Variants in STYXL2 observed in about 807,000 individuals in gnomAD.
STYXL2 encodes serine/threonine/tyrosine interacting like 2.
A neutral mutation model predicts 52.4 loss-of-function variants in STYXL2; 44 were observed. The ratio of observed to expected loss-of-function variants is 0.84; its 90% confidence interval spans 0.66 to 1.08. The LOEUF (loss-of-function observed/expected upper bound fraction) is 1.08. STYXL2 is among the 50% of genes least tolerant of loss of function. STYXL2 has a pLI of 0.00. For missense variants in STYXL2, 1,604 were observed against 1,471.7 expected, an observed-to-expected ratio of 1.09 and a Z score of -1.47; for synonymous variants, 604 against 586.9, an observed-to-expected ratio of 1.03 and a Z score of -0.42.
rs767627024 is a variant in STYXL2 at position 167,127,218 on chromosome 1, C to T, written c.2087C>T (p.Ala696Val). Residue 696 changes from alanine (A) to valine (V), a missense_variant, in exon 6 of 6, where the codon GCG becomes GTG. Physicochemically the swap from Ala to Val is moderately conservative, Grantham distance 64. Coordinates refer to ENST00000361200, the MANE Select transcript of STYXL2 (RefSeq NM_001080426.3). ...CTGTCTCAGGCTGCAAGCAACATAGCGGGGTGTTCAACCTCCAACCCCACC... is the reference window on the plus strand; with the variant it reads ...CTGTCTCAGGCTGCAAGCAACATAGTGGGGTGTTCAACCTCCAACCCCACC... ...SHLSQAASNI[A>V]GCSTSNPTTP... is the part of the protein sequence containing the mutation. The T allele has an allele frequency of 1.3e-5, 21 of 1,613,984 alleles. No homozygotes were observed. Among genetic ancestry groups the T allele is most frequent in the East Asian group, 8.9e-5 (4 of 44,894 alleles).
chr1:167,101,157 C>T (rs955505038), intron 2 of STYXL2, among the ~76,000 whole-genome samples: 5 of 152,130 alleles, frequency 3.3e-5, no homozygotes, highest in Admixed American at 6.5e-5. Context: ...AATTAAAAAG[C>T]GGACAAATGA....
At chr1:167,112,408 T>G (rs1667638201) in intron 2 of STYXL2, among the ~76,000 whole-genome samples, 1 of 152,220 alleles carries the variant, frequency 6.6e-6, no homozygotes, top group Admixed American at 6.5e-5. Context: ...TCAATTCAAC[T>G]TAATTCAATC....
intron 2 of STYXL2, among the ~76,000 whole-genome samples, chr1:167,101,941 T>C (rs1239595735): frequency 6.6e-6 from 1 of 152,192 alleles, no homozygotes; most frequent in Non-Finnish European, 1.5e-5. Flanking sequence ...TGTGTCACAT[T>C]TACACATAGG....
chr1:167,108,048 C>T (rs1264437717), intron 2 of STYXL2, among the ~76,000 whole-genome samples: 1 of 152,090 alleles, frequency 6.6e-6, no homozygotes, highest in Non-Finnish European at 1.5e-5. Flanking sequence ...CAAAGAGAAC[C>T]CAGTGCAAGT....
chr1:167,127,351 T>G lies in STYXL2; in HGVS notation c.2220T>G (p.Asn740Lys). The stretch of plus-strand genomic sequence containing the variant: ...GTGAGACCCTTGCTCAGAAGCAAAA[T>G]GAAATGCTGCTGTTGTCCCGCTCAC... ...VVSETLAQKQ[N>K]EMLLLSRSPS... Residue 740 changes from asparagine to lysine, a missense_variant, in exon 6 of 6, where the codon AAT (asparagine) becomes AAG (lysine). Transcript: ENST00000361200. 1.2e-6 allele frequency: 2 copies of G among 1,614,074 alleles called. No individual in the cohort carries two copies. The highest frequency in any genetic ancestry group is 8.5e-7 in the Non-Finnish European group (1 of 1,180,018).
intron 2 of STYXL2, among the ~76,000 whole-genome samples, chr1:167,101,047 T>A (rs1230038048): frequency 1.3e-5 from 2 of 152,232 alleles, no homozygotes; most frequent in Non-Finnish European, 2.9e-5. Context: ...CCTATAGACT[T>A]GGAGAAAATA....
chr1:167,120,613 T>A (rs1457507354), intron 5 of STYXL2, among the ~76,000 whole-genome samples: 5 of 151,260 alleles, frequency 3.3e-5, no homozygotes, highest in Non-Finnish European at 5.9e-5. Flanking sequence ...GCACACATAT[T>A]TTCTTTTTTT....
rs564681099 is a variant in STYXL2, at chr1:167,106,759, G to A, written c.111-6951G>A. On this transcript the variant is annotated intron_variant, in intron 2 of 5. Transcript: ENST00000361200. ...CAGGTCTGTTATAGAGGCAAGGTTT[G>A]CTCTACCATATTGGCATTATTTTGT... Among the ~76,000 whole-genome samples, 3 of 152,252 alleles carry A rather than the reference G, an allele frequency of 2.0e-5. No homozygotes were observed. In the South Asian group the frequency reaches 6.2e-4, roughly 32 times the overall value.
chr1:167,128,832 A>C lies in STYXL2; in HGVS notation c.*224A>C. ...GAATACGAGGTCCGAATGCGGACCA[A>C]CTGATACCATTTTCTGTTGCTCAGC... is the stretch of plus-strand genomic sequence containing the variant. On this transcript the variant is annotated 3_prime_UTR_variant, in exon 6 of 6. Coordinates refer to ENST00000361200, the MANE Select transcript of STYXL2 (RefSeq NM_001080426.3). The C allele has an allele frequency of 1.6e-6, 1 of 616,404 alleles. No homozygotes were observed. The highest frequency in any genetic ancestry group is 2.7e-6 in the Non-Finnish European group (1 of 375,490). 38.2% of individuals were successfully genotyped at this position (616,404 alleles called of 1,614,324 possible).
rs1423193609 is a variant in STYXL2 at position 167,128,196 on chromosome 1, C to G, written c.3065C>G (p.Ser1022Cys). Residue 1022 changes from serine (S) to cysteine (C), a missense_variant, in exon 6 of 6, where the codon TCC becomes TGC. Coordinates refer to ENST00000361200, the MANE Select transcript of STYXL2 (RefSeq NM_001080426.3). ...GAGGGCAGAGAGATGCACAAGTTCT[C>G]CAGGTCCACGTACAACGAGACCTCA... ...TREGREMHKF[S>C]RSTYNETSSS... 1 of 1,614,210 alleles carries G rather than the reference C, an allele frequency of 6.2e-7. No individual in the cohort carries two copies. Among genetic ancestry groups the G allele is most frequent in the East Asian group, 2.2e-5 (1 of 44,874 alleles).
chr1:167,120,688 C>T (rs1165358997), intron 5 of STYXL2, among the ~76,000 whole-genome samples: 2 of 151,696 alleles, frequency 1.3e-5, no homozygotes, highest in African/African-American at 2.4e-5. Context: ...TGCTGGAGTG[C>T]TCACTATAGC....
intron 2 of STYXL2, among the ~76,000 whole-genome samples, chr1:167,106,556 G>A (rs540969013): frequency 3.9e-5 from 6 of 152,126 alleles, no homozygotes. Flanking sequence ...GTTAATAGGA[G>A]TATAAATAGT....
Position 167,127,439 on chromosome 1 carries a change from A to T in STYXL2, c.2308A>T (p.Met770Leu), listed in dbSNP as rs755525549. 2.5e-6 allele frequency: 4 copies of T among 1,614,112 alleles called. No homozygotes were observed. The highest frequency in any genetic ancestry group is 3.4e-6 in the Non-Finnish European group (4 of 1,180,006). Residue 770 changes from methionine (M) to leucine (L), a missense_variant, in exon 6 of 6, where the codon ATG (methionine) becomes TTG (leucine). By Grantham distance (15) the Met-to-Leu change is conservative. Coordinates refer to ENST00000361200, the MANE Select transcript of STYXL2 (RefSeq NM_001080426.3). The part of the protein sequence containing the change: ...ASCLGDDQVS[M>L]LSGHSSSSLG... ...CTGCCTGGGGGATGACCAAGTCTCC[A>T]TGCTTAGTGGACACAGCAGCTCCTC...
At position 167,117,362 on chromosome 1, in the gene STYXL2, G is replaced by GT; in HGVS notation, c.241dup (p.Cys81LeufsTer9). 2 of 1,611,922 alleles carry GT rather than the reference G, an allele frequency of 1.2e-6. No homozygotes were observed. Among genetic ancestry groups the GT allele is most frequent in the Non-Finnish European group, 1.7e-6 (2 of 1,179,064 alleles). ...CACCGGGGGTCAGAGCAGACGCAGAGTGTCCAGGCATGCTGGAGTCTGCTG... is the reference window on the plus strand; with the variant it reads ...CACCGGGGGTCAGAGCAGACGCAGAGTTGTCCAGGCATGCTGGAGTCTGCTG... On this transcript the variant is annotated frameshift_variant, in exon 4 of 6. Transcript: ENST00000361200. LOFTEE classifies it high-confidence loss of function.
In STYXL2 at chr1:167,116,094, C is replaced by T. The variant is rs149630987; in HGVS notation, c.206-1234C>T. On this transcript the variant is annotated intron_variant, in intron 3 of 5. Transcript: ENST00000361200. ...TGCCATCAAGAGGCTATGGGGAACA[C>T]AGAGGAAACATCTTTCCAGCTTCTT... is the stretch of plus-strand genomic sequence containing the variant. 2.4e-4 allele frequency among the ~76,000 whole-genome samples: 37 copies of T among 152,306 alleles called. No individual in the cohort carries two copies. In the East Asian group the frequency reaches 7.1e-3, roughly 29 times the overall value.
rs755310428 is a variant in STYXL2 at position 167,126,295 on chromosome 1, C to T, written c.1164C>T (p.Asp388=). The T allele has an allele frequency of 5.9e-6, 9 of 1,528,128 alleles. No individual in the cohort carries two copies. The highest frequency in any genetic ancestry group is 2.5e-5 in the South Asian group (2 of 78,622). 94.7% of individuals were successfully genotyped at this position (1,528,128 alleles called of 1,614,324 possible). A position where few individuals can be genotyped will look rare whatever the true frequency, so the allele number is the denominator to read the frequency against. ...GQGGEELEDE[D]VERIIQEWQS... is the part of the protein sequence containing the mutation. ...GTGGGGAGGAGCTCGAGGACGAGGA[C>T]GTGGAGAGGATCATCCAGGAGTGGC... is the stretch of plus-strand genomic sequence containing the variant. The change falls in exon 6 of 6, where the codon GAC becomes GAT. Residue 388 remains aspartate (D), a synonymous_variant. Coordinates refer to ENST00000361200, the MANE Select transcript of STYXL2 (RefSeq NM_001080426.3).
chr1:167,102,165 G>A (rs563925686), intron 2 of STYXL2, among the ~76,000 whole-genome samples: 1 of 152,154 alleles, frequency 6.6e-6, no homozygotes, highest in South Asian at 2.1e-4. Context: ...GAGGGGGTGA[G>A]AGGGAGGGCT....
chr1:167,111,928 G>A (rs1667631187), intron 2 of STYXL2, among the ~76,000 whole-genome samples: 1 of 152,032 alleles, frequency 6.6e-6, no homozygotes, highest in Non-Finnish European at 1.5e-5. Flanking sequence ...CAATTATTTT[G>A]TAGTAACCAT....
At chr1:167,111,550 G>A in intron 2 of STYXL2, among the ~76,000 whole-genome samples, 1 of 136,156 alleles carries the variant, frequency 7.3e-6, no homozygotes, top group Admixed American at 8.0e-5. Context: ...ATATACTATG[G>A]AATAATACTT....
Sources: gnomAD v4.1 joint callset for allele counts (sites outside exome capture counted in the v4.1 genomes callset) on GRCh38, gnomAD v4.1.1 for gene constraint, MANE v1.5 for transcripts, NCBI Gene and HGNC (gene_info 2026-07-23, HGNC 2026-07-21) for gene names.